Variants in HS3ST1 observed in about 807,000 individuals in gnomAD.
HS3ST1 encodes heparan sulfate glucosamine 3-O-sulfotransferase 1.
A neutral mutation model predicts 20.7 loss-of-function variants in HS3ST1; 8 were observed. The ratio of observed to expected loss-of-function variants is 0.39; its 90% CI spans 0.23 to 0.70. HS3ST1 has a LOEUF of 0.70. Among genes scored for constraint, HS3ST1 ranks in the 30% least tolerant of loss-of-function variants. HS3ST1 has a pLI of 0.46. For synonymous variants in HS3ST1, 205 were observed against 190.4 expected, an observed-to-expected ratio of 1.08 and a Z score of -0.63; for missense variants, 436 against 423.4, an observed-to-expected ratio of 1.03 and a Z score of -0.26.
At chr4:11,431,489 T>C (rs937592006), upstream of HS3ST1, among the ~76,000 whole-genome samples, 34 of 152,328 alleles carry the variant, frequency 2.2e-4, no homozygotes, top group Non-Finnish European at 4.0e-4. Flanking sequence ...GAAGTCTTTA[T>C]TGAGCACCTA....
intron 1 of HS3ST1, among the ~76,000 whole-genome samples, chr4:11,424,974 G>C (rs1440161586): frequency 6.6e-6 from 1 of 152,034 alleles, no homozygotes; most frequent in Non-Finnish European, 1.5e-5. Flanking sequence ...GGCACTACAA[G>C]CACGACTGTA....
intron 1 of HS3ST1, among the ~76,000 whole-genome samples, chr4:11,409,406 A>G (rs1718557379): frequency 6.6e-6 from 1 of 150,766 alleles, no homozygotes; most frequent in Non-Finnish European, 1.5e-5. Flanking sequence ...TGGGGGCTTT[A>G]GATGATCGGA....
intron 1 of HS3ST1, among the ~76,000 whole-genome samples, chr4:11,414,392 C>T (rs1043737938): frequency 6.6e-6 from 1 of 152,112 alleles, no homozygotes; most frequent in African/African-American, 2.4e-5. Flanking sequence ...CTTCTCACAA[C>T]CTTCTCAAGG....
At chr4:11,426,526 A>G (rs192615684) in intron 1 of HS3ST1, among the ~76,000 whole-genome samples, 15 of 152,316 alleles carry the variant, frequency 9.8e-5, no homozygotes, top group Non-Finnish European at 1.8e-4. Context: ...TTCCGATGCC[A>G]TCTCAAGATG....
intron 1 of HS3ST1, among the ~76,000 whole-genome samples, chr4:11,415,236 A>G (rs993632181): frequency 3.3e-5 from 5 of 152,240 alleles, no homozygotes; most frequent in African/African-American, 9.6e-5. Flanking sequence ...TGGGGCAGAA[A>G]GATCAAAGCA....
intron 1 of HS3ST1, among the ~76,000 whole-genome samples, chr4:11,426,366 C>T (rs559402526): frequency 1.3e-5 from 2 of 150,672 alleles, no homozygotes; most frequent in South Asian, 4.2e-4. Flanking sequence ...TTCAGAGGCC[C>T]CCCCCCCAAC....
chr4:11,402,520 T>C (rs965823743), intron 1 of HS3ST1, among the ~76,000 whole-genome samples: 1 of 152,172 alleles, frequency 6.6e-6, no homozygotes, highest in African/African-American at 2.4e-5. Context: ...ATGTTTGAGA[T>C]GTGAGAATGT....
chr4:11,410,078 A>G (rs760412621), intron 1 of HS3ST1, among the ~76,000 whole-genome samples: 3 of 152,268 alleles, frequency 2.0e-5, no homozygotes, highest in Non-Finnish European at 4.4e-5. Context: ...CTGAATGGCA[A>G]GTCTGCAAAG....
intron 1 of HS3ST1, among the ~76,000 whole-genome samples, chr4:11,419,155 C>A (rs1211019548): frequency 1.3e-5 from 2 of 151,776 alleles, no homozygotes; most frequent in Admixed American, 1.3e-4. Context: ...CTTCCCTTCT[C>A]TCTCCCTCTA....
Position 11,402,671 on chromosome 4 carries a change from T to A in HS3ST1, c.-108-2558A>T, listed in dbSNP as rs114884481. Reference sequence around the variant, plus strand: ...GAGAGCTATACTGTGTGTTGGTCACTGCTATCACCATCTTATAGTTCCATG... The same window carrying A: ...GAGAGCTATACTGTGTGTTGGTCACAGCTATCACCATCTTATAGTTCCATG... On this transcript the variant is annotated intron_variant, in intron 1 of 1. Coordinates refer to ENST00000002596, the MANE Select transcript of HS3ST1 (RefSeq NM_005114.4). 1.1e-3 allele frequency among the ~76,000 whole-genome samples: 168 copies of A among 152,344 alleles called. 1 individual carries two copies. The highest frequency in any genetic ancestry group is 3.8e-3 in the African/African-American group (158 of 41,584).
chr4:11,413,891 G>GA (rs112181999), intron 1 of HS3ST1, among the ~76,000 whole-genome samples: 72 of 150,392 alleles, frequency 4.8e-4, no homozygotes, highest in Middle Eastern at 3.4e-3. Flanking sequence ...TTTCAAAATT[G>GA]AAAAAAAAAC....
At position 11,395,093 on chromosome 4, in the gene HS3ST1, C is replaced by T. The variant is rs944011771; in HGVS notation, c.*3989G>A. The T allele has an allele frequency of 6.6e-6, 1 of 152,250 alleles. No homozygotes were observed. The highest frequency in any genetic ancestry group is 1.5e-5 in the Non-Finnish European group (1 of 68,110). 9.4% of individuals were successfully genotyped at this position (152,250 alleles called of 1,614,324 possible). On this transcript the variant is annotated 3_prime_UTR_variant, in exon 2 of 2. Transcript: ENST00000002596. ...TCTACCCTCTACCCCCAGCCTCTCC[C>T]CGTGACCACTGTCTTCATGTCTCAA... is the stretch of plus-strand genomic sequence containing the variant.
At chr4:11,422,585 A>C (rs6827436) in intron 1 of HS3ST1, among the ~76,000 whole-genome samples, 25,520 of 152,130 alleles carry the variant, frequency 0.17, 2,771 homozygotes, top group African/African-American at 0.3. Flanking sequence ...ACTAAACTGT[A>C]AATTCATCAA....
chr4:11,424,412 T>G (rs1719013523), intron 1 of HS3ST1, among the ~76,000 whole-genome samples: 1 of 152,170 alleles, frequency 6.6e-6, no homozygotes, highest in Non-Finnish European at 1.5e-5. Context: ...AGCTACAGAC[T>G]TCATTCCCCA....
At chr4:11,409,714 C>G (rs2108884191) in intron 1 of HS3ST1, among the ~76,000 whole-genome samples, 1 of 152,332 alleles carries the variant, frequency 6.6e-6, no homozygotes, top group East Asian at 1.9e-4. Flanking sequence ...GTACATGGTC[C>G]TCAGAATAAT....
intron 1 of HS3ST1, among the ~76,000 whole-genome samples, chr4:11,411,131 C>G (rs932397620): frequency 6.6e-6 from 1 of 152,072 alleles, no homozygotes; most frequent in African/African-American, 2.4e-5. Context: ...CATTTGAAAA[C>G]AAACATTTAA....
Position 11,400,091 on chromosome 4 carries a change from T to C in HS3ST1, c.-86A>G, listed in dbSNP as rs1718282723. On this transcript the variant is annotated 5_prime_UTR_variant, in exon 2 of 2. An upstream start codon of the reference 5' UTR is lost. Coordinates refer to ENST00000002596, the MANE Select transcript of HS3ST1 (RefSeq NM_005114.4). Reference sequence around the variant, plus strand: ...GGGAAGCCTCCTAGTCAGTGGCACATGGGCGTTTCAGGCCTTCAATTACTA... The same window carrying C: ...GGGAAGCCTCCTAGTCAGTGGCACACGGGCGTTTCAGGCCTTCAATTACTA... 4 of 1,429,252 alleles carry C rather than the reference T, an allele frequency of 2.8e-6. No homozygotes were observed. The highest frequency in any genetic ancestry group is 3.7e-6 in the Non-Finnish European group (4 of 1,095,552). The allele number at this position is 1,429,252 out of a possible 1,614,324, so 88.5% of individuals were successfully genotyped here.
At chr4:11,416,483 G>A (rs761531360) in intron 1 of HS3ST1, among the ~76,000 whole-genome samples, 6 of 152,216 alleles carry the variant, frequency 3.9e-5, no homozygotes, top group Non-Finnish European at 8.8e-5. Flanking sequence ...AGCTCCAGGA[G>A]GACTGAAGAG....
At chr4:11,419,028 G>T (rs1718857381) in intron 1 of HS3ST1, among the ~76,000 whole-genome samples, 1 of 152,024 alleles carries the variant, frequency 6.6e-6, no homozygotes, top group Admixed American at 6.6e-5. Flanking sequence ...CTGCGTTGGG[G>T]TTTACTCAGG....
Sources: gnomAD v4.1 joint callset for allele counts (sites outside exome capture counted in the v4.1 genomes callset) on GRCh38, gnomAD v4.1.1 for gene constraint, MANE v1.5 for transcripts, NCBI Gene and HGNC (gene_info 2026-07-23, HGNC 2026-07-21) for gene names.